NCKAP5: variants seen among roughly 807,000 people sequenced by gnomAD.
The protein encoded by NCKAP5 is nck-associated protein 5.
NCKAP5 carries 92 observed loss-of-function variants against 167.0 expected under a neutral mutation model. The ratio of observed to expected loss-of-function variants is 0.55; its 90% confidence interval spans 0.47 to 0.66. The LOEUF is 0.66. NCKAP5 is among the 30% of genes least tolerant of loss of function. The pLI is 0.00. For synonymous variants in NCKAP5, 891 were observed against 877.4 expected (o/e 1.02, Z -0.27); for missense variants, 2,378 against 2,315.0 (o/e 1.03, Z -0.56).
chr2:133,310,121 T>C (rs543896316), intron 3 of NCKAP5, among the ~76,000 whole-genome samples: 3 of 152,276 alleles, frequency 2.0e-5, no homozygotes, highest in African/African-American at 7.2e-5. Flanking sequence ...AATAAAAAGG[T>C]ATACCTGCAT....
intron 3 of NCKAP5, among the ~76,000 whole-genome samples, chr2:133,322,368 G>A (rs1682118741): frequency 6.6e-6 from 1 of 152,196 alleles, no homozygotes; most frequent in African/African-American, 2.4e-5. Context: ...TCCAGAGGCA[G>A]GTAGAAATGA....
chr2:132,935,971 A>AT (rs1392064477), intron 8 of NCKAP5, among the ~76,000 whole-genome samples: 5 of 148,252 alleles, frequency 3.4e-5, no homozygotes, highest in Non-Finnish European at 6.0e-5. Context: ...CTTAAATAAT[A>AT]TTTTTTTTCT....
At chr2:132,858,705 T>C (rs1689655242) in intron 11 of NCKAP5, among the ~76,000 whole-genome samples, 1 of 152,156 alleles carries the variant, frequency 6.6e-6, no homozygotes, top group African/African-American at 2.4e-5. Flanking sequence ...GGAGTACTAT[T>C]TGGGGAGAAA....
the NCKAP5 span, among the ~76,000 whole-genome samples, chr2:133,645,552 C>A: frequency 1.3e-5 from 2 of 152,244 alleles, no homozygotes; most frequent in Non-Finnish European, 2.9e-5. Flanking sequence ...GAAGCATTAT[C>A]TAAAACAAAA....
chr2:133,378,935 A>T (rs1012536254), intron 3 of NCKAP5, among the ~76,000 whole-genome samples: 1 of 152,170 alleles, frequency 6.6e-6, no homozygotes, highest in Non-Finnish European at 1.5e-5. Flanking sequence ...TTTGTTTCTA[A>T]TTATTTCAAT....
chr2:132,783,803 G>A lies in NCKAP5; in HGVS notation c.3008C>T (p.Pro1003Leu). The change falls in exon 14 of 20, where the codon CCT (proline) becomes CTT (leucine). Residue 1003 changes from proline (P) to leucine (L), a missense_variant. Transcript: ENST00000409261. ...GGAGGGCATAGGGTGAGTGAAGATA[G>A]GCTTTTTGAAGGCCACAGAAGGTTT... ...RKKPSVAFKK[P>L]IFTHPMPSPE... The A allele has an allele frequency of 2.6e-6, 4 of 1,540,286 alleles. No homozygotes were observed. The highest frequency in any genetic ancestry group is 3.5e-6 in the Non-Finnish European group (4 of 1,145,636).
At chr2:132,915,951 G>A (rs1694840532) in intron 8 of NCKAP5, among the ~76,000 whole-genome samples, 1 of 151,960 alleles carries the variant, frequency 6.6e-6, no homozygotes, top group Non-Finnish European at 1.5e-5. Context: ...TTGGTTAAGT[G>A]AATTATCACA....
At chr2:132,821,529 T>C (rs964965554) in intron 11 of NCKAP5, among the ~76,000 whole-genome samples, 2 of 152,186 alleles carry the variant, frequency 1.3e-5, no homozygotes, top group South Asian at 4.2e-4. Context: ...GGGCACAAAT[T>C]CTCTTGAGTG....
chr2:132,802,104 G>T (rs535046907), intron 11 of NCKAP5, among the ~76,000 whole-genome samples: 1 of 152,110 alleles, frequency 6.6e-6, no homozygotes, highest in Admixed American at 6.6e-5. Flanking sequence ...GCCAAATATC[G>T]GCACAAAAGA....
intron 8 of NCKAP5, chr2:132,954,537 G>T: frequency 2.5e-6 from 1 of 404,600 alleles, no homozygotes; most frequent in Non-Finnish European, 4.9e-6. Flanking sequence ...TGTGAACAAG[G>T]TAAGCAGCCA....
Position 132,742,403 on chromosome 2 carries a change from G to A in NCKAP5, c.5129-10352C>T, listed in dbSNP as rs144693649. The stretch of plus-strand genomic sequence containing the variant: ...TTGTCAAGAAACATATAAAAACCAG[G>A]AAGCATGGGGAAATTCAGATCTATC... On this transcript the variant is annotated intron_variant, in intron 16 of 19. Transcript: ENST00000409261. Among the ~76,000 whole-genome samples, 554 of 152,022 alleles carry A rather than the reference G, an allele frequency of 3.6e-3. 5 individuals carry two copies. The highest frequency in any genetic ancestry group is 0.013 in the African/African-American group (539 of 41,514).
intron 19 of NCKAP5, among the ~76,000 whole-genome samples, chr2:132,706,370 G>C (rs2105286115): frequency 6.6e-6 from 1 of 152,286 alleles, no homozygotes; most frequent in East Asian, 1.9e-4. Flanking sequence ...GGCTGGATCT[G>C]GGAAAAGAGA....
Position 132,673,044 on chromosome 2 carries a change from G to A in NCKAP5, c.*245C>T. The A allele has an allele frequency of 9.5e-7, 1 of 1,052,632 alleles. No homozygotes were observed. The highest frequency in any genetic ancestry group is 1.1e-6 in the Non-Finnish European group (1 of 880,112). The allele number at this position is 1,052,632 out of a possible 1,614,324, so 65.2% of individuals were successfully genotyped here. On this transcript the variant is annotated 3_prime_UTR_variant, in exon 20 of 20. Transcript: ENST00000409261. Reference sequence around the variant, plus strand: ...GTCCTTTATACATCATTTGAACCTTGACTGGCACAGGAAGAGAAGCTATCA... The same window carrying A: ...GTCCTTTATACATCATTTGAACCTTAACTGGCACAGGAAGAGAAGCTATCA...
intron 16 of NCKAP5, among the ~76,000 whole-genome samples, chr2:132,741,438 T>C (rs1679185369): frequency 6.6e-6 from 1 of 152,100 alleles, no homozygotes. Context: ...CACTACAGTT[T>C]AATGGCCAGC....
rs559146701 is a variant in NCKAP5, at chr2:133,079,769, G to C, written c.341+50209C>G. On this transcript the variant is annotated intron_variant, in intron 6 of 19. Transcript: ENST00000409261. ...CATTTCTAAGTTTCTTAAAACACTT[G>C]TATAGGTAAATTTTCACCTACCTTT... Among the ~76,000 whole-genome samples, 23 of 152,154 alleles carry C rather than the reference G, an allele frequency of 1.5e-4. No homozygotes were observed. In the Middle Eastern group the frequency reaches 0.014, roughly 90 times the overall value.
At chr2:132,772,220 C>T (rs67872798) in intron 16 of NCKAP5, among the ~76,000 whole-genome samples, 19,733 of 151,994 alleles carry the variant, frequency 0.13, 1,513 homozygotes, top group African/African-American at 0.2. Flanking sequence ...TTGAAATTGC[C>T]GAATGACACA....
Position 132,773,802 on chromosome 2 carries a change from A to G in NCKAP5, c.5128+14T>C, listed in dbSNP as rs779040891. 3 of 1,594,584 alleles carry G rather than the reference A, an allele frequency of 1.9e-6. No homozygotes were observed. The highest frequency in any genetic ancestry group is 1.7e-5 in the Admixed American group (1 of 58,704). ...AAGTCTCCATAAAAGACATATGAATATGTGAATTTTTACCTATGATGTGGC... is the reference window on the plus strand; with the variant it reads ...AAGTCTCCATAAAAGACATATGAATGTGTGAATTTTTACCTATGATGTGGC... On this transcript the variant is annotated intron_variant, in intron 16 of 19. Coordinates refer to ENST00000409261, the MANE Select transcript of NCKAP5 (RefSeq NM_207363.3).
At chr2:133,468,568 T>C (rs1426117586) in intron 3 of NCKAP5, among the ~76,000 whole-genome samples, 2 of 152,164 alleles carry the variant, frequency 1.3e-5, no homozygotes, top group African/African-American at 4.8e-5. Flanking sequence ...GGTATCCTTG[T>C]TGACTTTCTG....
chr2:133,303,573 C>G (rs140011252), intron 3 of NCKAP5, among the ~76,000 whole-genome samples: 332 of 152,128 alleles, frequency 2.2e-3, no homozygotes, highest in Non-Finnish European at 3.7e-3. Flanking sequence ...TCATTGGGCA[C>G]TTGTATACAC....
Sources: gnomAD v4.1 joint callset for allele counts (sites outside exome capture counted in the v4.1 genomes callset) on GRCh38, gnomAD v4.1.1 for gene constraint, MANE v1.5 for transcripts, NCBI Gene and HGNC (gene_info 2026-07-23, HGNC 2026-07-21) for gene names.